The following ABLIM2 variants were observed in gnomAD, a reference collection of about 807,000 sequenced individuals.
ABLIM2 encodes the protein actin binding LIM protein family member 2, also known as actin-binding LIM protein 2.
Under a neutral mutation model 97.7 loss-of-function variants are expected in ABLIM2, and 53 were observed. That is an observed-to-expected ratio of 0.54 (90% confidence interval 0.44 to 0.68). The LOEUF is 0.68. Among genes scored for constraint, ABLIM2 ranks in the 30% least tolerant of loss-of-function variants. ABLIM2 has a pLI of 0.00. For synonymous variants in ABLIM2, 361 were observed against 345.8 expected (o/e 1.04, Z -0.49); for missense variants, 835 against 867.2 (o/e 0.96, Z 0.47).
At position 8,029,647 on chromosome 4, in the gene ABLIM2, G is replaced by C. The variant is rs1040806375; in HGVS notation, c.1168+9C>G. 3 of 1,518,286 alleles carry C rather than the reference G, an allele frequency of 2.0e-6. No individual in the cohort carries two copies. In the East Asian group the frequency reaches 7.6e-5, roughly 38 times the overall value. 94.1% of individuals were successfully genotyped at this position (1,518,286 alleles called of 1,614,324 possible). A position where few individuals can be genotyped will look rare whatever the true frequency, so the allele number is the denominator to read the frequency against. ...CCTGGGGGCTCAGAGGAACCAGGGG[G>C]CCAAGTACCTGGACGGCTGTAGTGC... On this transcript the variant is annotated intron_variant, in intron 11 of 20. Transcript: ENST00000447017.
chr4:8,065,387 G>T (rs1361119984), intron 6 of ABLIM2, among the ~76,000 whole-genome samples: 1 of 152,100 alleles, frequency 6.6e-6, no homozygotes, highest in African/African-American at 2.4e-5. Context: ...CAAAACCATA[G>T]GAGACACCAC....
intron 20 of ABLIM2, among the ~76,000 whole-genome samples, chr4:7,981,785 T>C (rs1414890673): frequency 1.3e-5 from 2 of 152,078 alleles, no homozygotes; most frequent in Admixed American, 1.3e-4. Context: ...AGCAGCTTGG[T>C]CAAATGGAAT....
chr4:8,019,488 A>ACT lies in ABLIM2; in HGVS notation c.1423+129_1423+130insAG. On this transcript the variant is annotated intron_variant, in intron 14 of 20. Transcript: ENST00000447017. This position sits in a 1 kb window ranked among gnomAD's most constrained non-coding sequence, Gnocchi z 4.3. ...GCTAGTGAATTTGCATTTAATAGTC[A>ACT]GACTGCTAAGGGCCTTGGTGGTGCC... is the stretch of plus-strand genomic sequence containing the variant. The ACT allele has an allele frequency of 1.2e-6, 1 of 803,084 alleles. No individual in the cohort carries two copies. The highest frequency in any genetic ancestry group is 1.9e-6 in the Non-Finnish European group (1 of 518,122). 49.7% of individuals were successfully genotyped at this position (803,084 alleles called of 1,614,324 possible).
intron 1 of ABLIM2, among the ~76,000 whole-genome samples, chr4:8,136,510 CA>C (rs1240880772): frequency 6.6e-6 from 1 of 152,200 alleles, no homozygotes; most frequent in Non-Finnish European, 1.5e-5. Context: ...AGCAAAAATC[CA>C]AAACTAGACA....
At chr4:8,029,574 GA>G (rs1194351604) in intron 11 of ABLIM2, 81 bp downstream of exon 11, 543 of 894,266 alleles carry the variant, frequency 6.1e-4, no homozygotes, top group East Asian at 1.3e-3. Context: ...ACTTATAACC[GA>G]AAAAAAAAAC....
chr4:8,047,322 T>C (rs1446830832), intron 8 of ABLIM2, among the ~76,000 whole-genome samples: 1 of 152,106 alleles, frequency 6.6e-6, no homozygotes, highest in Non-Finnish European at 1.5e-5. Flanking sequence ...TGTCTCCTTA[T>C]ATCCTAAGCT....
At chr4:8,028,220 G>A (rs868021569) in intron 11 of ABLIM2, among the ~76,000 whole-genome samples, 6 of 152,172 alleles carry the variant, frequency 3.9e-5, no homozygotes, top group African/African-American at 7.2e-5. Context: ...CATCGTCACC[G>A]GACTCGTCCG....
At position 8,019,834 on chromosome 4, in the gene ABLIM2, T is replaced by G. The variant is rs570355376; in HGVS notation, c.1370-163A>C. 5.3e-5 allele frequency among the ~76,000 whole-genome samples: 8 copies of G among 152,152 alleles called. No individual in the cohort carries two copies. Among genetic ancestry groups the G allele is most frequent in the African/African-American group, 1.4e-4 (6 of 41,498 alleles). On this transcript the variant is annotated intron_variant, in intron 13 of 20. Transcript: ENST00000447017. This position sits in a 1 kb window ranked among gnomAD's most constrained non-coding sequence, Gnocchi z 4.3. ...GAGCGACAGACACCCAGGCCCCAGA[T>G]CAAGCCTCCCTGACTCCAGATGCCA... is the stretch of plus-strand genomic sequence containing the variant.
rs1167615555 is a variant in ABLIM2, at chr4:7,980,941, A to ATTTTTTTTTTTTTTTTTTTTTT, written c.1824+2322_1824+2323insAAAAAAAAAAAAAAAAAAAAAA. Reference sequence around the variant, plus strand: ...AGAACCATGGTCTCCACAACCCCTTATTTTTTTTTTTTTTTTTTTTGAGAT... The same window carrying ATTTTTTTTTTTTTTTTTTTTTT: ...AGAACCATGGTCTCCACAACCCCTTATTTTTTTTTTTTTTTTTTTTTTTTTTTTTTTTTTTTTTTTTTGAGAT... On this transcript the variant is annotated intron_variant, in intron 20 of 20. Transcript: ENST00000447017. Among the ~76,000 whole-genome samples, 210 of 82,942 alleles carry ATTTTTTTTTTTTTTTTTTTTTT rather than the reference A, an allele frequency of 2.5e-3. 32 individuals are homozygous for ATTTTTTTTTTTTTTTTTTTTTT. Among genetic ancestry groups the ATTTTTTTTTTTTTTTTTTTTTT allele is most frequent in the East Asian group, 8.5e-3 (15 of 1,774 alleles). The allele number at this position is 82,942 out of a possible 152,430, so 54.4% of individuals were successfully genotyped here.
At chr4:8,139,993 A>C (rs1269430115) in intron 1 of ABLIM2, among the ~76,000 whole-genome samples, 1 of 151,836 alleles carries the variant, frequency 6.6e-6, no homozygotes, top group Non-Finnish European at 1.5e-5. Context: ...TTAGCAAACT[A>C]ACACAGGAAC....
At chr4:7,982,068 C>G (rs775952631) in intron 20 of ABLIM2, among the ~76,000 whole-genome samples, 55 of 152,094 alleles carry the variant, frequency 3.6e-4, no homozygotes, top group African/African-American at 1.3e-3. Flanking sequence ...TCAGCTGCAC[C>G]CATGCCCCTC....
intron 8 of ABLIM2, among the ~76,000 whole-genome samples, chr4:8,047,016 C>G (rs1193748684): frequency 6.6e-6 from 1 of 152,234 alleles, no homozygotes; most frequent in Non-Finnish European, 1.5e-5. Context: ...GAAGCCCCAG[C>G]TGCCTGACTC....
chr4:8,036,480 G>A (rs1784547686), intron 9 of ABLIM2, among the ~76,000 whole-genome samples, 185 bp from the exon 10 acceptor site: 1 of 152,124 alleles, frequency 6.6e-6, no homozygotes, highest in South Asian at 2.1e-4. Context: ...GGCAGTGGCT[G>A]CTCCAGCAGC....
At chr4:8,007,132 A>AC (rs1276178632) in intron 16 of ABLIM2, 3 of 985,262 alleles carry the variant, frequency 3.0e-6, no homozygotes, top group Non-Finnish European at 3.6e-6. Context: ...GTTAAGTAGG[A>AC]CGGTTTACAG....
At position 8,077,623 on chromosome 4, in the gene ABLIM2, CT is replaced by C. The variant is rs1294383863; in HGVS notation, c.675+4del. 4 of 1,606,132 alleles carry C rather than the reference CT, an allele frequency of 2.5e-6. No individual in the cohort carries two copies. The highest frequency in any genetic ancestry group is 3.4e-6 in the Non-Finnish European group (4 of 1,175,992). ...GCGGGCAGGGGCCCGGCCCGCCGCG[CT>C]TACCTCCAGCACGCGCCCCGTGATG... On this transcript the variant is annotated splice_donor_region_variant and intron_variant, in intron 6 of 20. Coordinates refer to ENST00000447017, the MANE Select transcript of ABLIM2 (RefSeq NM_001130083.2).
chr4:8,143,117 TGTCA>T (rs1013366052), intron 1 of ABLIM2, among the ~76,000 whole-genome samples: 5 of 135,554 alleles, frequency 3.7e-5, no homozygotes, highest in Admixed American at 1.6e-4. Flanking sequence ...TTGAAAAGGG[TGTCA>T]GTGTCAACAG....
chr4:8,020,427 AT>A, intron 12 of ABLIM2, 124 bp from the exon 13 acceptor site: 1 of 867,412 alleles, frequency 1.2e-6, no homozygotes, highest in Non-Finnish European at 1.9e-6. Context: ...AGCAGCCCAG[AT>A]CCCCTGCCCA....
intron 8 of ABLIM2, among the ~76,000 whole-genome samples, chr4:8,049,529 C>A (rs1794683553): frequency 6.6e-6 from 1 of 152,106 alleles, no homozygotes; most frequent in African/African-American, 2.4e-5. Flanking sequence ...CTCACTATGC[C>A]CGCCTCCCTT....
intron 1 of ABLIM2, among the ~76,000 whole-genome samples, chr4:8,154,072 C>A (rs1312028107): frequency 6.6e-6 from 1 of 150,962 alleles, no homozygotes; most frequent in Non-Finnish European, 1.5e-5. Context: ...ACGCCATTCT[C>A]CTGCCTCAGC....
Sources: allele counts gnomAD v4.1 joint callset (sites outside exome capture counted in the v4.1 genomes callset), GRCh38; gene constraint gnomAD v4.1.1; non-coding constraint Gnocchi (gnomAD v3.1); transcripts MANE v1.5; gene names NCBI Gene and HGNC (gene_info 2026-07-23, HGNC 2026-07-21).